UTRN: variants seen among roughly 807,000 people sequenced by gnomAD.
The protein encoded by UTRN is dystrophin-related protein 1.
Under a neutral mutation model 463.9 loss-of-function variants are expected in UTRN, and 283 were observed. The ratio of observed to expected loss-of-function variants is 0.61; its 90% CI spans 0.55 to 0.67. The LOEUF (loss-of-function observed/expected upper bound fraction) is 0.67, where lower values mean the gene tolerates loss of function less well. Among genes scored for constraint, UTRN ranks in the 30% least tolerant of loss-of-function variants. The pLI is 0.00. For missense variants in UTRN, 3,922 were observed against 4,084.3 expected, an observed-to-expected ratio of 0.96 and a Z score of 1.08; for synonymous variants, 1,442 against 1,431.5, an observed-to-expected ratio of 1.01 and a Z score of -0.17.
At chr6:144,537,811 A>C in intron 44 of UTRN, 94 bp downstream of exon 44, 1 of 1,493,782 alleles carries the variant, frequency 6.7e-7, no homozygotes. Flanking sequence ...AAGGGAAAAG[A>C]AACTTTGTAC....
intron 2 of UTRN, chr6:144,331,092 C>T: frequency 1.1e-6 from 1 of 886,680 alleles, no homozygotes; most frequent in African/African-American, 1.8e-5. Context: ...AGGCATGACT[C>T]TCCGCCAATA....
chr6:144,617,454 A>C (rs1269857556), intron 51 of UTRN, among the ~76,000 whole-genome samples: 1 of 152,172 alleles, frequency 6.6e-6, no homozygotes, highest in Non-Finnish European at 1.5e-5. Flanking sequence ...TTTGGCAATA[A>C]ATTCCTCTTG....
chr6:144,379,111 A>G (rs934553011), intron 2 of UTRN, among the ~76,000 whole-genome samples: 2 of 152,156 alleles, frequency 1.3e-5, no homozygotes, highest in Non-Finnish European at 2.9e-5. Flanking sequence ...ATCTCAGTGG[A>G]GATGTCAAGT....
intron 51 of UTRN, among the ~76,000 whole-genome samples, chr6:144,590,535 T>C (rs561552999): frequency 2.0e-5 from 3 of 152,238 alleles, no homozygotes. Context: ...ATAAGAAATA[T>C]GTATATATTT....
intron 2 of UTRN, among the ~76,000 whole-genome samples, chr6:144,299,035 T>G (rs746613391): frequency 2.0e-5 from 3 of 152,240 alleles, no homozygotes; most frequent in Non-Finnish European, 2.9e-5. Flanking sequence ...ACTAATTGAT[T>G]TGTTCACTTG....
At chr6:144,810,649 T>G (rs1346139559) in intron 65 of UTRN, among the ~76,000 whole-genome samples, 1 of 152,018 alleles carries the variant, frequency 6.6e-6, no homozygotes, top group African/African-American at 2.4e-5. Flanking sequence ...GATAGAAAGG[T>G]AGTTTGAGAG....
chr6:144,746,925 T>C (rs1790808787), intron 54 of UTRN, among the ~76,000 whole-genome samples: 2 of 152,258 alleles, frequency 1.3e-5, no homozygotes, highest in Admixed American at 1.3e-4. Flanking sequence ...GCACAACTTG[T>C]AGTTCTGCGG....
intron 23 of UTRN, among the ~76,000 whole-genome samples, chr6:144,470,006 C>T (rs905105052): frequency 2.6e-5 from 4 of 152,190 alleles, no homozygotes; most frequent in Admixed American, 6.5e-5. Context: ...TTCCAGAGAG[C>T]ACGGGGTTGG....
At chr6:144,477,058 G>A (rs1791287741) in intron 25 of UTRN, among the ~76,000 whole-genome samples, 1 of 152,188 alleles carries the variant, frequency 6.6e-6, no homozygotes. Context: ...AGTGAAGTCT[G>A]TGATTATGCG....
chr6:144,349,773 C>G (rs2502640), intron 2 of UTRN, among the ~76,000 whole-genome samples: 12,250 of 152,160 alleles, frequency 0.081, 629 homozygotes, highest in Middle Eastern at 0.12. Flanking sequence ...TTCTCTGACC[C>G]CTACTTAGAG....
At chr6:144,766,632 T>A (rs1191654284) in intron 58 of UTRN, among the ~76,000 whole-genome samples, 1 of 152,068 alleles carries the variant, frequency 6.6e-6, no homozygotes, top group South Asian at 2.1e-4. Flanking sequence ...AGGACCAGTT[T>A]GAGTGCAGGA....
intron 66 of UTRN, among the ~76,000 whole-genome samples, chr6:144,824,923 T>C (rs75985840): frequency 0.057 from 8,621 of 151,934 alleles, 614 homozygotes; most frequent in African/African-American, 0.17. Flanking sequence ...GCTGGGACTA[T>C]AGGCATCATG....
intron 41 of UTRN, among the ~76,000 whole-genome samples, chr6:144,528,509 C>T (rs1796758986): frequency 6.6e-6 from 1 of 152,212 alleles, no homozygotes; most frequent in African/African-American, 2.4e-5. Context: ...GTGCTCTCCT[C>T]CTTCCCCTAG....
intron 52 of UTRN, among the ~76,000 whole-genome samples, chr6:144,697,431 C>G (rs1032483952): frequency 2.0e-5 from 3 of 152,092 alleles, no homozygotes; most frequent in African/African-American, 7.2e-5. Flanking sequence ...TTTCTTCTTA[C>G]AAAGCATTCG....
intron 51 of UTRN, chr6:144,660,015 A>G (rs1779707292): frequency 8.7e-6 from 3 of 343,750 alleles, no homozygotes; most frequent in South Asian, 7.1e-5. Context: ...TCCGAAGTCC[A>G]TGAAAAAACG....
At chr6:144,716,320 A>G (rs1333660574) in intron 53 of UTRN, among the ~76,000 whole-genome samples, 1 of 151,622 alleles carries the variant, frequency 6.6e-6, no homozygotes. Flanking sequence ...GGAATTTGAT[A>G]CCTTTGAATG....
At chr6:144,814,139 G>A (rs1352532953) in intron 65 of UTRN, among the ~76,000 whole-genome samples, 2 of 152,194 alleles carry the variant, frequency 1.3e-5, no homozygotes, top group East Asian at 1.9e-4. Context: ...GTGTGATAGT[G>A]TTAGGAGATG....
chr6:144,394,305 G>A (rs56662558), intron 2 of UTRN, among the ~76,000 whole-genome samples: 9,366 of 152,112 alleles, frequency 0.062, 913 homozygotes, highest in African/African-American at 0.21. Flanking sequence ...ATAGTTCCAC[G>A]TGGCAAAGGG....
At chr6:144,557,064 A>T in intron 49 of UTRN, 93 bp from the exon 50 acceptor site, 1 of 1,465,124 alleles carries the variant, frequency 6.8e-7, no homozygotes, top group South Asian at 1.4e-5. Flanking sequence ...CTGTATCTAA[A>T]GCATGTCAAA....
Sources: gnomAD v4.1 joint callset for allele counts (sites outside exome capture counted in the v4.1 genomes callset) on GRCh38, gnomAD v4.1.1 for gene constraint, MANE v1.5 for transcripts, NCBI Gene and HGNC (gene_info 2026-07-23, HGNC 2026-07-21) for gene names.